Variants in ARHGAP28 observed in about 807,000 individuals in gnomAD.
ARHGAP28 encodes rho GTPase-activating protein 28.
A neutral mutation model predicts 90.7 loss-of-function variants in ARHGAP28; 56 were observed. The observed-to-expected ratio is 0.62, with a 90% CI of 0.50 to 0.77. The LOEUF (loss-of-function observed/expected upper bound fraction) is 0.77. Among genes scored for constraint, ARHGAP28 ranks in the 30% least tolerant of loss-of-function variants. The pLI is 0.00. For synonymous variants in ARHGAP28, 308 were observed against 323.3 expected, an observed-to-expected ratio of 0.95 and a Z score of 0.51; for missense variants, 869 against 900.9, an observed-to-expected ratio of 0.96 and a Z score of 0.45.
chr18:6,893,328 A>G (rs1421572148), intron 14 of ARHGAP28, among the ~76,000 whole-genome samples: 1 of 152,196 alleles, frequency 6.6e-6, no homozygotes, highest in Non-Finnish European at 1.5e-5. Flanking sequence ...TTTCAAGGCT[A>G]TCACTGAACT....
At chr18:6,751,358 A>T (rs2056067744) in intron 1 of ARHGAP28, among the ~76,000 whole-genome samples, 1 of 151,836 alleles carries the variant, frequency 6.6e-6, no homozygotes, top group Admixed American at 6.6e-5. Flanking sequence ...AAGAGGTGAA[A>T]GAGAAAGGAA....
chr18:6,848,136 C>A (rs1360483339), intron 3 of ARHGAP28, among the ~76,000 whole-genome samples: 1 of 152,118 alleles, frequency 6.6e-6, no homozygotes, highest in Non-Finnish European at 1.5e-5. Context: ...GTTTAGGATC[C>A]ATGAGCCAGT....
intron 1 of ARHGAP28, among the ~76,000 whole-genome samples, chr18:6,766,805 G>A (rs2056203201): frequency 1.3e-5 from 2 of 152,170 alleles, no homozygotes; most frequent in Admixed American, 1.3e-4. Flanking sequence ...TTCTGATTCA[G>A]TATTGACAAC....
chr18:6,801,776 T>C (rs2056483855), intron 1 of ARHGAP28, among the ~76,000 whole-genome samples: 1 of 152,170 alleles, frequency 6.6e-6, no homozygotes, highest in African/African-American at 2.4e-5. Flanking sequence ...ATTCAAATTA[T>C]TCCCTTCTTA....
At chr18:6,793,838 C>T (rs568376593) in intron 1 of ARHGAP28, among the ~76,000 whole-genome samples, 92 of 151,966 alleles carry the variant, frequency 6.1e-4, no homozygotes, top group Non-Finnish European at 1.1e-3. Flanking sequence ...TCTACTCAGA[C>T]TCATTTATCA....
rs142451999 is a variant in ARHGAP28, at chr18:6,799,194, C to T, written c.123-25568C>T. Among the ~76,000 whole-genome samples, 606 of 152,020 alleles carry T rather than the reference C, an allele frequency of 4.0e-3. 1 individual carries two copies. The highest frequency in any genetic ancestry group is 0.015 in the South Asian group (74 of 4,800). On this transcript the variant is annotated intron_variant, in intron 1 of 17. Transcript: ENST00000383472. ...GTGACTTGTCTTTTTAAATCTTTAG[C>T]GCATTAAAAAATACAATGGTTTCTG... is the stretch of plus-strand genomic sequence containing the variant.
chr18:6,765,694 A>G (rs1045799450), intron 1 of ARHGAP28, among the ~76,000 whole-genome samples: 4 of 152,156 alleles, frequency 2.6e-5, no homozygotes, highest in Non-Finnish European at 5.9e-5. Context: ...CTTCCGTAAG[A>G]TGGAAGCTTA....
intron 2 of ARHGAP28, among the ~76,000 whole-genome samples, chr18:6,830,895 A>G (rs932378670): frequency 6.6e-6 from 1 of 152,226 alleles, no homozygotes; most frequent in African/African-American, 2.4e-5. Context: ...ACAATGAATA[A>G]TGCTGTTATG....
At position 6,899,929 on chromosome 18, in the gene ARHGAP28, A is replaced by G. The variant is rs375107466; in HGVS notation, c.2030+3303A>G. Among the ~76,000 whole-genome samples the G allele has an allele frequency of 6.6e-5, 10 of 152,100 alleles. No homozygotes were observed. The East Asian group carries it at 1.7e-3, about 26-fold the overall frequency. The stretch of plus-strand genomic sequence containing the variant: ...AAGGGTTAGGATGTGGGAACAATTG[A>G]CACTCTGCTTCCTCCCCTCCTCTTT... On this transcript the variant is annotated intron_variant, in intron 16 of 17. Coordinates refer to ENST00000383472, the MANE Select transcript of ARHGAP28 (RefSeq NM_001366230.1).
intron 1 of ARHGAP28, among the ~76,000 whole-genome samples, chr18:6,782,208 G>A (rs979993071): frequency 5.3e-5 from 8 of 152,138 alleles, no homozygotes; most frequent in Admixed American, 2.0e-4. Context: ...TAGGGAGTGG[G>A]GGGTTGAGGG....
At position 6,910,946 on chromosome 18, in the gene ARHGAP28, G is replaced by A. The variant is rs567869361; in HGVS notation, c.2096-1114G>A. Among the ~76,000 whole-genome samples, 9 of 151,866 alleles carry A rather than the reference G, an allele frequency of 5.9e-5. No homozygotes were observed. The South Asian group carries it at 6.2e-4, about 11-fold the overall frequency. ...TGCAAGCTCCGCCTCCCGGGTTCAC[G>A]CCATTCTCCTGCCTCAGCCTCCGGA... On this transcript the variant is annotated intron_variant, in intron 17 of 17. Coordinates refer to ENST00000383472, the MANE Select transcript of ARHGAP28 (RefSeq NM_001366230.1).
At chr18:6,759,271 G>A (rs910857946) in intron 1 of ARHGAP28, among the ~76,000 whole-genome samples, 2 of 135,566 alleles carry the variant, frequency 1.5e-5, no homozygotes, top group African/African-American at 5.2e-5. Flanking sequence ...AAAAAACTGG[G>A]CTTTTCAAAA....
At chr18:6,816,810 A>G (rs2056594028) in intron 1 of ARHGAP28, among the ~76,000 whole-genome samples, 1 of 152,138 alleles carries the variant, frequency 6.6e-6, no homozygotes, top group Non-Finnish European at 1.5e-5. Context: ...TGTGAAGGCC[A>G]GGTGTGGTGG....
intron 1 of ARHGAP28, among the ~76,000 whole-genome samples, chr18:6,816,625 CT>C (rs1463763721): frequency 6.6e-6 from 1 of 152,180 alleles, no homozygotes; most frequent in Non-Finnish European, 1.5e-5. Context: ...TTGGTATATT[CT>C]TCCCAAAACT....
chr18:6,865,405 A>T (rs1235822810), intron 5 of ARHGAP28, among the ~76,000 whole-genome samples: 1 of 152,160 alleles, frequency 6.6e-6, no homozygotes, highest in African/African-American at 2.4e-5. Context: ...GGCTTCCTTA[A>T]GTTGGTCTCT....
At chr18:6,888,770 C>T (rs373450274) in intron 12 of ARHGAP28, among the ~76,000 whole-genome samples, 5 of 152,270 alleles carry the variant, frequency 3.3e-5, no homozygotes, top group East Asian at 1.9e-4. Context: ...CAGAACATCA[C>T]GGGACTGGTG....
intron 7 of ARHGAP28, among the ~76,000 whole-genome samples, chr18:6,871,515 AAG>A (rs2057089371): frequency 6.6e-6 from 1 of 152,192 alleles, no homozygotes; most frequent in African/African-American, 2.4e-5. Context: ...ATGATGGGCA[AAG>A]AGAGCTATAT....
chr18:6,891,347 CT>C (rs1393408964), intron 14 of ARHGAP28, among the ~76,000 whole-genome samples: 1 of 152,038 alleles, frequency 6.6e-6, no homozygotes, highest in Non-Finnish European at 1.5e-5. Flanking sequence ...AGTCTTACTC[CT>C]CTGCCTCCTG....
chr18:6,832,728 G>C (rs1567962901), intron 2 of ARHGAP28, among the ~76,000 whole-genome samples: 2 of 151,808 alleles, frequency 1.3e-5, no homozygotes, highest in Admixed American at 1.3e-4. Context: ...GGCTTTCTTA[G>C]GGTTATAGGG....
Sources: gnomAD v4.1 joint callset for allele counts (sites outside exome capture counted in the v4.1 genomes callset) on GRCh38, gnomAD v4.1.1 for gene constraint, MANE v1.5 for transcripts, NCBI Gene and HGNC (gene_info 2026-07-23, HGNC 2026-07-21) for gene names.